Variants in TNIK observed in about 807,000 individuals in gnomAD.
The protein encoded by TNIK is TRAF2 and NCK-interacting protein kinase.
A neutral mutation model predicts 191.3 loss-of-function variants in TNIK; 49 were observed. The ratio of observed to expected loss-of-function variants is 0.26; its 90% confidence interval spans 0.20 to 0.32. TNIK has a LOEUF of 0.32. TNIK is among the 10% of genes least tolerant of loss of function. The pLI, the probability that TNIK is intolerant of heterozygous loss-of-function variation, is 1.00. For missense variants in TNIK, 1,155 were observed against 1,702.3 expected, an observed-to-expected ratio of 0.68 and a Z score of 5.66; for synonymous variants, 594 against 600.9, an observed-to-expected ratio of 0.99 and a Z score of 0.17.
chr3:171,189,716 G>T (rs530590266), intron 6 of TNIK, among the ~76,000 whole-genome samples: 3 of 152,264 alleles, frequency 2.0e-5, no homozygotes, highest in Non-Finnish European at 4.4e-5. Context: ...ATAGAAAATT[G>T]TCTTGTACAG....
In TNIK at chr3:171,458,173, G is replaced by T. The variant is rs139066357; in HGVS notation, c.57+1834C>A. 5.2e-3 allele frequency among the ~76,000 whole-genome samples: 484 copies of T among 93,290 alleles called. 5 individuals carry two copies. Among genetic ancestry groups the T allele is most frequent in the African/African-American group, 0.02 (460 of 22,644 alleles). The allele number at this position is 93,290 out of a possible 152,430, so 61.2% of individuals were successfully genotyped here. A position where few individuals can be genotyped will look rare whatever the true frequency, so the allele number is the denominator to read the frequency against. ...CCGCCCCCCACCCCGACCTCCGACC[G>T]ATTCGCAGCACCCCACCCCCAGTCG... is the stretch of plus-strand genomic sequence containing the variant. On this transcript the variant is annotated intron_variant, in intron 1 of 32. Transcript: ENST00000436636.
At chr3:171,068,736 T>C in intron 30 of TNIK, 112 bp downstream of exon 30, 1 of 1,071,338 alleles carries the variant, frequency 9.3e-7, no homozygotes, top group Non-Finnish European at 1.2e-6. Context: ...AAAGTCCATT[T>C]GCTGGTTAGT....
At chr3:171,268,822 G>A (rs903311187) in intron 2 of TNIK, among the ~76,000 whole-genome samples, 1 of 152,132 alleles carries the variant, frequency 6.6e-6, no homozygotes, top group African/African-American at 2.4e-5. Context: ...GGACAAAATA[G>A]ACAATGCCAG....
At chr3:171,100,644 T>C (rs1219021821) in intron 22 of TNIK, among the ~76,000 whole-genome samples, 1 of 150,934 alleles carries the variant, frequency 6.6e-6, no homozygotes, top group Admixed American at 6.6e-5. Flanking sequence ...ACCTTGTGCT[T>C]ACTAGGTGGA....
chr3:171,069,037 AG>A (rs1576890674), intron 29 of TNIK, 40 bp from the exon 30 acceptor site: 2 of 1,570,524 alleles, frequency 1.3e-6, no homozygotes, highest in Non-Finnish European at 1.7e-6. Flanking sequence ...TCACTCAAAG[AG>A]GCATCTTAAT....
In TNIK at chr3:171,272,277, C is replaced by T. The variant is rs544275978; in HGVS notation, c.124-44056G>A. On this transcript the variant is annotated intron_variant, in intron 2 of 32. Transcript: ENST00000436636. ...AGGTCTGCAGGGCAAGGTGTGGGTA[C>T]CAAGGGCTTCAATGACAGAGAAGGC... Among the ~76,000 whole-genome samples, 8 of 152,294 alleles carry T rather than the reference C, an allele frequency of 5.3e-5. No homozygotes were observed. In the East Asian group the frequency reaches 1.2e-3, roughly 22 times the overall value.
chr3:171,131,539 C>G (rs1052053042), intron 15 of TNIK, among the ~76,000 whole-genome samples: 1 of 151,982 alleles, frequency 6.6e-6, no homozygotes, highest in African/African-American at 2.4e-5. Flanking sequence ...CGGTACCATT[C>G]TAAAAATATA....
intron 2 of TNIK, among the ~76,000 whole-genome samples, chr3:171,234,423 G>C (rs1744022626): frequency 6.6e-6 from 1 of 152,180 alleles, no homozygotes; most frequent in South Asian, 2.1e-4. Context: ...TTGTGGCAGA[G>C]GTAAAGCAAG....
intron 2 of TNIK, among the ~76,000 whole-genome samples, chr3:171,259,640 A>G (rs978647194): frequency 9.9e-5 from 15 of 152,224 alleles, no homozygotes; most frequent in African/African-American, 3.6e-4. Flanking sequence ...TTGCCTGGCT[A>G]ATCTCATGGC....
At chr3:171,136,705 G>C (rs923345406) in intron 15 of TNIK, among the ~76,000 whole-genome samples, 8 of 152,198 alleles carry the variant, frequency 5.3e-5, no homozygotes, top group Non-Finnish European at 1.0e-4. Flanking sequence ...CTTAGCTGAG[G>C]ATTTCAACTT....
intron 1 of TNIK, among the ~76,000 whole-genome samples, chr3:171,458,359 T>C (rs73173693): frequency 6.6e-6 from 1 of 152,106 alleles, no homozygotes; most frequent in Admixed American, 6.5e-5. Flanking sequence ...AGCCGGTTCT[T>C]GATGTGGCAT....
chr3:171,445,672 AG>A (rs1727408920), intron 1 of TNIK, among the ~76,000 whole-genome samples: 1 of 152,164 alleles, frequency 6.6e-6, no homozygotes, highest in African/African-American at 2.4e-5. Flanking sequence ...TATACGTGCG[AG>A]GGGACAATAC....
At chr3:171,299,483 GACCAC>G (rs1166003801) in intron 2 of TNIK, among the ~76,000 whole-genome samples, 1 of 152,168 alleles carries the variant, frequency 6.6e-6, no homozygotes, top group African/African-American at 2.4e-5. Flanking sequence ...CCCTATCAGT[GACCAC>G]ACTGCAGCTT....
At position 171,058,801 on chromosome 3, in the gene TNIK, A is replaced by C. The variant is rs16855713; in HGVS notation, c.*5080T>G. The stretch of plus-strand genomic sequence containing the variant: ...ATCTCTCTACAGTTATATTAACATA[A>C]ATAAGGCAGCTAAAACGTTCAAAAA... On this transcript the variant is annotated 3_prime_UTR_variant, in exon 33 of 33. Transcript: ENST00000436636. Among the ~76,000 whole-genome samples the C allele has an allele frequency of 1.3e-3, 205 of 152,346 alleles. 1 individual carries two copies. Among genetic ancestry groups the C allele is most frequent in the African/African-American group, 4.9e-3 (202 of 41,588 alleles).
intron 23 of TNIK, among the ~76,000 whole-genome samples, chr3:171,092,140 G>A (rs1001706059): frequency 2.0e-5 from 3 of 151,866 alleles, no homozygotes; most frequent in Non-Finnish European, 2.9e-5. Flanking sequence ...AGTAGAGACG[G>A]GATTTCACTG....
At chr3:171,179,270 C>A (rs74598317) in intron 7 of TNIK, among the ~76,000 whole-genome samples, 1 of 152,184 alleles carries the variant, frequency 6.6e-6, no homozygotes, top group Non-Finnish European at 1.5e-5. Context: ...TTTCATTAAA[C>A]GCAATCTGCA....
Position 171,066,614 on chromosome 3 carries a change from T to A in TNIK, c.3821A>T (p.Asp1274Val), listed in dbSNP as rs1265380857. ...YVNTYGRITK[D>V]VVLQWGEMPT... ...CATTTCTCCCCATTGGAGCACCACA[T>A]CCTTAGTTATCCGGCCATAGGTGTT... The change falls in exon 31 of 33, where the codon GAT becomes GTT. Residue 1274 changes from aspartate (D) to valine (V), a missense_variant. Asp to Val is a radical substitution (Grantham distance 152). Around this residue, in one of 3 missense-constraint regions of TNIK, gnomAD observed 195 missense variants for 415.4 expected, o/e 0.47. Transcript: ENST00000436636. 1 of 1,613,748 alleles carries A rather than the reference T, an allele frequency of 6.2e-7. No homozygotes were observed. Among genetic ancestry groups the A allele is most frequent in the Non-Finnish European group, 8.5e-7 (1 of 1,179,852 alleles).
intron 12 of TNIK, among the ~76,000 whole-genome samples, chr3:171,141,300 G>A (rs1030773512): frequency 1.3e-5 from 2 of 152,206 alleles, no homozygotes; most frequent in African/African-American, 4.8e-5. Context: ...GAGGTACGGA[G>A]AGATTAAGTA....
In TNIK at chr3:171,426,556, A is replaced by AATAT. The variant is rs10664657; in HGVS notation, c.57+33447_57+33450dup. On this transcript the variant is annotated intron_variant, in intron 1 of 32. Transcript: ENST00000436636. The stretch of plus-strand genomic sequence containing the variant: ...GTACCCTAGAACTTAAAGTATAATA[A>AATAT]ATATATATATATAAAATCATCTTGG... 5.9e-5 allele frequency among the ~76,000 whole-genome samples: 9 copies of AATAT among 151,844 alleles called. No homozygotes were observed. The South Asian group carries it at 8.4e-4, about 14-fold the overall frequency.
Sources: gnomAD v4.1 joint callset for allele counts (sites outside exome capture counted in the v4.1 genomes callset) on GRCh38, gnomAD v4.1.1 for gene constraint, gnomAD v4.1.1 regional missense constraint, MANE v1.5 for transcripts, NCBI Gene and HGNC (gene_info 2026-07-23, HGNC 2026-07-21) for gene names.